Variants in GAST observed in about 807,000 individuals in gnomAD.
GAST encodes the protein preprogastrin.
A neutral mutation model predicts 12.5 loss-of-function variants in GAST; 9 were observed. That is an observed-to-expected ratio of 0.72 (90% confidence interval 0.43 to 1.25). The LOEUF (loss-of-function observed/expected upper bound fraction) is 1.25, where lower values mean the gene tolerates loss of function less well. Ranked by LOEUF, GAST falls within the 50% of genes most tolerant of loss-of-function variation. The pLI is 0.00. For synonymous variants in GAST, 52 were observed against 51.1 expected, an observed-to-expected ratio of 1.02 and a Z score of -0.08; for missense variants, 121 against 127.7, an observed-to-expected ratio of 0.95 and a Z score of 0.25.
chr17:41,712,444 C>T (rs1191852126), intron 1 of GAST, 57 bp downstream of exon 1: 1 of 152,286 alleles, frequency 6.6e-6, no homozygotes, highest in Non-Finnish European at 1.5e-5. Context: ...CAGGTCCTCT[C>T]CCCCATCAAG....
intron 2 of GAST, 61 bp downstream of exon 2, chr17:41,715,708 G>A: frequency 6.3e-7 from 1 of 1,599,238 alleles, no homozygotes; most frequent in Non-Finnish European, 8.5e-7. Context: ...GGTCTCCCCA[G>A]ACTGGCTCTG....
At chr17:41,715,299 TAAAAA>T in intron 1 of GAST, 128 bp from the exon 2 acceptor site, 1 of 554,970 alleles carries the variant, frequency 1.8e-6, no homozygotes, top group Non-Finnish European at 3.1e-6. Context: ...AAACTCTGTC[TAAAAA>T]AAAAAAAAAG....
At chr17:41,713,895 G>A (rs1910913262) in intron 1 of GAST, among the ~76,000 whole-genome samples, 1 of 152,154 alleles carries the variant, frequency 6.6e-6, no homozygotes, top group Admixed American at 6.6e-5. Flanking sequence ...TGAGATTCCA[G>A]TTTAGTTCTG....
intron 2 of GAST, 34 bp from the exon 3 acceptor site, chr17:41,715,743 TC>T: frequency 6.3e-7 from 1 of 1,587,890 alleles, no homozygotes; most frequent in Non-Finnish European, 8.6e-7. Flanking sequence ...AAGGTAGGCA[TC>T]CTTCCCCCAT....
At position 41,715,924 on chromosome 17, in the gene GAST, C is replaced by A; in HGVS notation, c.*52C>A. On this transcript the variant is annotated 3_prime_UTR_variant, in exon 3 of 3. Transcript: ENST00000329402. ...TAGCCACCTCCCACCCCACTCCAGCCCTGTCCCCTGAAAAACTGATCAAAA... is the reference window on the plus strand; with the variant it reads ...TAGCCACCTCCCACCCCACTCCAGCACTGTCCCCTGAAAAACTGATCAAAA... 1.5e-6 allele frequency: 2 copies of A among 1,377,910 alleles called. No individual in the cohort carries two copies. Among genetic ancestry groups the A allele is most frequent in the Non-Finnish European group, 1.0e-6 (1 of 1,000,828 alleles). The allele number at this position is 1,377,910 out of a possible 1,614,324, so 85.4% of individuals were successfully genotyped here.
In GAST at chr17:41,715,799, C is replaced by A; in HGVS notation, c.233C>A (p.Pro78Gln). Residue 78 changes from proline (P) to glutamine (Q), a missense_variant, in exon 3 of 3, where the codon CCA becomes CAA. Pro to Gln is a moderately conservative substitution (Grantham distance 76). Transcript: ENST00000329402. ...LVADPSKKQG[P>Q]WLEEEEEAYG... ...TCAGACCCGTCCAAGAAGCAGGGAC[C>A]ATGGCTGGAGGAAGAAGAAGAAGCC... The A allele has an allele frequency of 6.2e-7, 1 of 1,611,302 alleles. No individual in the cohort carries two copies. Among genetic ancestry groups the A allele is most frequent in the Non-Finnish European group, 8.5e-7 (1 of 1,179,136 alleles).
rs200691368 is a variant in GAST at position 41,715,915 on chromosome 17, C to T, written c.*43C>T. The T allele has an allele frequency of 1.7e-5, 24 of 1,430,902 alleles. No homozygotes were observed. The African/African-American group carries it at 2.3e-4, about 14-fold the overall frequency. 88.6% of individuals were successfully genotyped at this position (1,430,902 alleles called of 1,614,324 possible). A position where few individuals can be genotyped will look rare whatever the true frequency, so the allele number is the denominator to read the frequency against. On this transcript the variant is annotated 3_prime_UTR_variant, in exon 3 of 3. Coordinates refer to ENST00000329402, the MANE Select transcript of GAST (RefSeq NM_000805.5). ...TTCAGAGCCTAGCCACCTCCCACCC[C>T]ACTCCAGCCCTGTCCCCTGAAAAAC... is the stretch of plus-strand genomic sequence containing the variant.
intron 1 of GAST, among the ~76,000 whole-genome samples, chr17:41,714,079 T>C (rs958647408): frequency 2.0e-4 from 31 of 152,284 alleles, no homozygotes; most frequent in Non-Finnish European, 2.9e-4. Flanking sequence ...TGGCCAAGCA[T>C]TGAATGTGCT....
rs782745910 is a variant in GAST, at chr17:41,715,618, G to A, written c.182G>A (p.Gly61Glu). ...GPASHHRRQL[G>E]PQGPPHLVAD... ...GCCTCTCATCATCGAAGGCAGCTGG[G>A]ACCCCAGGGTCCCCCACACCTCGTG... The change falls in exon 2 of 3, where the codon GGA becomes GAA. Residue 61 changes from glycine (G) to glutamate (E), a missense_variant. Transcript: ENST00000329402. 7 of 1,613,720 alleles carry A rather than the reference G, an allele frequency of 4.3e-6. No homozygotes were observed. The South Asian group carries it at 5.5e-5, about 13-fold the overall frequency.
intron 2 of GAST, 43 bp from the exon 3 acceptor site, chr17:41,715,735 G>T (rs1555585830): frequency 6.3e-7 from 1 of 1,595,372 alleles, no homozygotes. Context: ...GTTCCTGGAA[G>T]GTAGGCATCC....
intron 1 of GAST, among the ~76,000 whole-genome samples, chr17:41,712,976 C>T (rs1187179186): frequency 1.3e-5 from 2 of 152,112 alleles, no homozygotes; most frequent in African/African-American, 4.8e-5. Flanking sequence ...GTCACCCAGG[C>T]TGGAGTGCAG....
chr17:41,714,593 G>A (rs1382664521), intron 1 of GAST, among the ~76,000 whole-genome samples: 2 of 151,854 alleles, frequency 1.3e-5, no homozygotes, highest in Non-Finnish European at 2.9e-5. Flanking sequence ...GCAACATGGT[G>A]AAACCCTGTT....
intron 1 of GAST, among the ~76,000 whole-genome samples, chr17:41,715,027 C>T (rs544124392): frequency 2.9e-4 from 44 of 152,122 alleles, no homozygotes; most frequent in Middle Eastern, 3.4e-3. Flanking sequence ...CACCCGGGTG[C>T]GGTGGCTCAT....
intron 1 of GAST, among the ~76,000 whole-genome samples, chr17:41,714,189 T>C (rs1176023013): frequency 6.6e-6 from 1 of 152,192 alleles, no homozygotes; most frequent in Non-Finnish European, 1.5e-5. Flanking sequence ...TTTTGTTTTT[T>C]TGAGACAGGG....
intron 1 of GAST, among the ~76,000 whole-genome samples, chr17:41,713,171 C>G (rs565834522): frequency 1.0e-3 from 157 of 152,246 alleles, no homozygotes; most frequent in Non-Finnish European, 1.9e-3. Context: ...ACCCCCTCAG[C>G]CTCCCAAAGT....
chr17:41,715,318 G>C (rs1371428207), intron 1 of GAST, 114 bp from the exon 2 acceptor site: 23 of 707,006 alleles, frequency 3.3e-5, no homozygotes, highest in Non-Finnish European at 5.4e-5. Flanking sequence ...AAAAAAGAAA[G>C]AATTGCACAC....
intron 1 of GAST, among the ~76,000 whole-genome samples, chr17:41,714,878 T>A (rs972759130): frequency 3.9e-4 from 59 of 152,352 alleles, no homozygotes; most frequent in African/African-American, 1.4e-3. Flanking sequence ...AGGATTTGAC[T>A]TTCTCCAATA....
At chr17:41,714,266 C>T (rs1316919570) in intron 1 of GAST, among the ~76,000 whole-genome samples, 2 of 152,092 alleles carry the variant, frequency 1.3e-5, no homozygotes, top group African/African-American at 2.4e-5. Context: ...TCCACCTCCC[C>T]GGTTCAAGCG....
At position 41,715,763 on chromosome 17, in the gene GAST, C is replaced by G; in HGVS notation, c.212-15C>G. ...AGGCATCCTTCCCCCATTCTCGCCTCTCTCACCTCCTCAGACCCGTCCAAG... is the reference window on the plus strand; with the variant it reads ...AGGCATCCTTCCCCCATTCTCGCCTGTCTCACCTCCTCAGACCCGTCCAAG... On this transcript the variant is annotated splice_polypyrimidine_tract_variant and intron_variant, in intron 2 of 2. Transcript: ENST00000329402. 2 of 1,600,472 alleles carry G rather than the reference C, an allele frequency of 1.2e-6. No homozygotes were observed. The highest frequency in any genetic ancestry group is 1.7e-6 in the Non-Finnish European group (2 of 1,174,930).
Sources: gnomAD v4.1 joint callset for allele counts (sites outside exome capture counted in the v4.1 genomes callset) on GRCh38, gnomAD v4.1.1 for gene constraint, MANE v1.5 for transcripts, NCBI Gene and HGNC (gene_info 2026-07-23, HGNC 2026-07-21) for gene names.